ZNF536: variants seen among roughly 807,000 people sequenced by gnomAD.
ZNF536 encodes zinc finger protein 536.
Under a neutral mutation model 84.5 loss-of-function variants are expected in ZNF536, and 13 were observed. That is an observed-to-expected ratio of 0.15 (90% CI 0.10 to 0.24). The LOEUF (loss-of-function observed/expected upper bound fraction) is 0.24, where lower values mean the gene tolerates loss of function less well. Among genes scored for constraint, ZNF536 ranks in the 10% least tolerant of loss-of-function variants. The pLI, the probability that ZNF536 is intolerant of heterozygous loss-of-function variation, is 1.00. For synonymous variants in ZNF536, 811 were observed against 742.5 expected, an observed-to-expected ratio of 1.09 and a Z score of -1.50; for missense variants, 1,536 against 1,747.5, an observed-to-expected ratio of 0.88 and a Z score of 2.16.
intron 2 of ZNF536, among the ~76,000 whole-genome samples, chr19:30,519,394 CT>C (rs1372678160): frequency 6.6e-6 from 1 of 152,236 alleles, no homozygotes; most frequent in Non-Finnish European, 1.5e-5. Context: ...ACCAAGCTGA[CT>C]TCTCCTTGCC....
At chr19:30,711,872 G>A (rs1436593904) in exon 2 of ZNF536, 1 of 152,098 alleles carries the variant, frequency 6.6e-6, no homozygotes, top group Non-Finnish European at 1.5e-5. Context: ...AGATGCTGGT[G>A]AGCAATTAAA....
intron 1 of ZNF536, among the ~76,000 whole-genome samples, chr19:30,232,830 G>T (rs187952715): frequency 2.0e-5 from 3 of 152,090 alleles, no homozygotes; most frequent in Non-Finnish European, 4.4e-5. Context: ...GTTTGGGAGC[G>T]TCCCCAGCTT....
chr19:30,317,230 T>C (rs972762634), intron 2 of ZNF536, among the ~76,000 whole-genome samples: 1 of 152,006 alleles, frequency 6.6e-6, no homozygotes, highest in Non-Finnish European at 1.5e-5. Flanking sequence ...AAGACAGGTG[T>C]AATTATGCTG....
chr19:30,468,148 T>G (rs1411627714), intron 2 of ZNF536, among the ~76,000 whole-genome samples: 1 of 152,194 alleles, frequency 6.6e-6, no homozygotes, highest in Non-Finnish European at 1.5e-5. Context: ...TGTGGTCCAG[T>G]GTGTTTTACT....
chr19:30,477,606 G>A (rs2144764543), intron 2 of ZNF536, among the ~76,000 whole-genome samples: 1 of 152,316 alleles, frequency 6.6e-6, no homozygotes, highest in South Asian at 2.1e-4. Flanking sequence ...AGACAACCCA[G>A]TAATTTGTTT....
intron 1 of ZNF536, among the ~76,000 whole-genome samples, chr19:30,388,949 A>T (rs562531550): frequency 7.2e-5 from 11 of 152,270 alleles, no homozygotes; most frequent in African/African-American, 2.4e-4. Flanking sequence ...ATTTCCTGGA[A>T]TTCTCCCCTA....
chr19:30,460,079 G>T (rs1217624385), intron 2 of ZNF536, among the ~76,000 whole-genome samples: 1 of 152,094 alleles, frequency 6.6e-6, no homozygotes, highest in Non-Finnish European at 1.5e-5. Flanking sequence ...ACATCCCCAT[G>T]CCACCAAACA....
chr19:30,597,287 G>A (rs1384200933), intron 1 of ZNF536, among the ~76,000 whole-genome samples: 3 of 152,168 alleles, frequency 2.0e-5, no homozygotes, highest in Admixed American at 2.0e-4. Flanking sequence ...TTTACAACAG[G>A]ACACACAGGG....
intron 1 of ZNF536, among the ~76,000 whole-genome samples, chr19:30,275,120 A>G (rs2026058598): frequency 1.3e-5 from 2 of 152,082 alleles, no homozygotes; most frequent in Non-Finnish European, 2.9e-5. Context: ...CATTGGGTGG[A>G]GCGAGGTTCA....
intron 1 of ZNF536, among the ~76,000 whole-genome samples, chr19:30,581,459 A>G (rs1440385846): frequency 6.6e-6 from 1 of 151,750 alleles, no homozygotes; most frequent in African/African-American, 2.4e-5. Flanking sequence ...CCTAGGCAAC[A>G]GAGCCAGGGT....
At chr19:30,338,357 T>C (rs147953247) in intron 2 of ZNF536, among the ~76,000 whole-genome samples, 11 of 151,952 alleles carry the variant, frequency 7.2e-5, no homozygotes, top group Admixed American at 2.6e-4. Flanking sequence ...ATGGTGGTGA[T>C]GGCGATGATG....
chr19:30,328,846 A>G (rs1247083794), intron 2 of ZNF536, among the ~76,000 whole-genome samples: 1 of 152,234 alleles, frequency 6.6e-6, no homozygotes, highest in Non-Finnish European at 1.5e-5. Context: ...TTTAGACATT[A>G]GAGACCATCA....
In ZNF536 at chr19:30,549,257, G is replaced by C. The variant is rs776846057; in HGVS notation, c.3638G>C (p.Gly1213Ala). The change falls in exon 4 of 5, where the codon GGC becomes GCC. Residue 1213 changes from glycine (G) to alanine (A), a missense_variant. Coordinates refer to ENST00000355537, the MANE Select transcript of ZNF536 (RefSeq NM_014717.3). ...GGCGGGGACAGCCTGCAGCCCACAGGCACCTCCCAGCCCGTCCAGGGACTG... is the reference window on the plus strand; with the variant it reads ...GGCGGGGACAGCCTGCAGCCCACAGCCACCTCCCAGCCCGTCCAGGGACTG... Reference protein sequence around the residue: ...SDGGDSLQPTGTSQPVQGLVS... With the variant: ...SDGGDSLQPTATSQPVQGLVS... 1 of 1,613,782 alleles carries C rather than the reference G, an allele frequency of 6.2e-7. No individual in the cohort carries two copies. The highest frequency in any genetic ancestry group is 8.5e-7 in the Non-Finnish European group (1 of 1,180,054).
chr19:30,573,848 C>T (rs1406852084), intron 1 of ZNF536, among the ~76,000 whole-genome samples: 1 of 152,154 alleles, frequency 6.6e-6, no homozygotes, highest in Non-Finnish European at 1.5e-5. Flanking sequence ...TCCATGCTGA[C>T]CGTGACCAGC....
At chr19:30,307,498 G>A (rs1233642550) in intron 2 of ZNF536, among the ~76,000 whole-genome samples, 1 of 151,988 alleles carries the variant, frequency 6.6e-6, no homozygotes, top group Non-Finnish European at 1.5e-5. Context: ...CTTCTAAGGA[G>A]AGCTCTAACA....
At chr19:30,607,422 T>C (rs970441926) in intron 1 of ZNF536, among the ~76,000 whole-genome samples, 9 of 152,078 alleles carry the variant, frequency 5.9e-5, no homozygotes, top group African/African-American at 2.2e-4. Context: ...CCTTAATTCA[T>C]TATATTTTAA....
At chr19:30,405,282 GTCAGAAAAAGA>G in intron 1 of ZNF536, among the ~76,000 whole-genome samples, 1 of 152,300 alleles carries the variant, frequency 6.6e-6, no homozygotes, top group East Asian at 1.9e-4. Flanking sequence ...GTGAAAGGAG[GTCAGAAAAAGA>G]TCAGAAATAT....
chr19:30,532,823 C>T (rs546472529), intron 2 of ZNF536, among the ~76,000 whole-genome samples: 5 of 152,314 alleles, frequency 3.3e-5, no homozygotes, highest in Admixed American at 2.6e-4. Flanking sequence ...ACCTGCAGGA[C>T]ATAGAGCCAC....
At chr19:30,286,719 A>C (rs756878785) in intron 2 of ZNF536, among the ~76,000 whole-genome samples, 4 of 152,246 alleles carry the variant, frequency 2.6e-5, no homozygotes, top group Non-Finnish European at 4.4e-5. Flanking sequence ...TTTGAATACA[A>C]AATTTATATT....
Sources: allele counts gnomAD v4.1 joint callset (sites outside exome capture counted in the v4.1 genomes callset), GRCh38; gene constraint gnomAD v4.1.1; transcripts MANE v1.5; gene names NCBI Gene and HGNC (gene_info 2026-07-23, HGNC 2026-07-21).